The following EPS8 variants were observed in gnomAD, a reference collection of about 807,000 sequenced individuals.
EPS8 encodes epidermal growth factor receptor kinase substrate 8.
In EPS8, 42 loss-of-function variants were observed where a neutral mutation model predicts 103.8. That is an observed-to-expected ratio of 0.40 (90% CI 0.32 to 0.52). The LOEUF (loss-of-function observed/expected upper bound fraction) is 0.52. Ranked by LOEUF, EPS8 falls within the 20% of genes least tolerant of loss-of-function variation. The pLI is 0.40. For synonymous variants in EPS8, 344 were observed against 344.6 expected (o/e 1.00, Z 0.02); for missense variants, 969 against 1,005.1 (o/e 0.96, Z 0.49).
intron 8 of EPS8, among the ~76,000 whole-genome samples, chr12:15,663,941 A>ATTATAAT (rs71042266): frequency 2.7e-5 from 2 of 73,280 alleles, no homozygotes; most frequent in African/African-American, 1.0e-4. Context: ...AAAAAAAAAA[A>ATTATAAT]AAAAATAATA....
intron 1 of EPS8, among the ~76,000 whole-genome samples, chr12:15,689,994 A>G (rs1045162345): frequency 5.9e-5 from 9 of 152,176 alleles, no homozygotes; most frequent in African/African-American, 2.2e-4. Flanking sequence ...AGTAAATCAT[A>G]AAACATTACA....
rs1437509616 is a variant in EPS8 at position 15,701,800 on chromosome 12, AG to A, written c.-21-18829del. Among the ~76,000 whole-genome samples, 2 of 152,174 alleles carry A rather than the reference AG, an allele frequency of 1.3e-5. No individual in the cohort carries two copies. The highest frequency in any genetic ancestry group is 4.8e-5 in the African/African-American group (2 of 41,442). On this transcript the variant is annotated intron_variant, in intron 1 of 20. Coordinates refer to ENST00000281172, the MANE Select transcript of EPS8 (RefSeq NM_004447.6). The surrounding 1 kb of genome is among the most constrained non-coding windows in gnomAD (Gnocchi z 5.1). The stretch of plus-strand genomic sequence containing the variant: ...TGATACTGCCCTGGACACGGCCCTT[AG>A]GGGAAGAAAAATAACATAACATTTC...
At position 15,621,370 on chromosome 12, in the gene EPS8, C is replaced by T. The variant is rs1802658; in HGVS notation, c.2416G>A (p.Ala806Thr). The T allele has an allele frequency of 8.7e-6, 14 of 1,604,372 alleles. No individual in the cohort carries two copies. The South Asian group carries it at 1.5e-4, about 17-fold the overall frequency. ...IMRRRQEKIS[A>T]AASDSGVESF... ...TCCACTCCTGAATCACTAGCGGCAG[C>T]ACTGATTTTTTCCTGTCGTCTTCTC... Residue 806 changes from alanine to threonine, a missense_variant, in exon 21 of 21, where the codon GCT (alanine) becomes ACT (threonine). By Grantham distance (58) the Ala-to-Thr change is moderately conservative (BLOSUM62 0). Coordinates refer to ENST00000281172, the MANE Select transcript of EPS8 (RefSeq NM_004447.6).
intron 1 of EPS8, among the ~76,000 whole-genome samples, chr12:15,686,042 T>C (rs1946090585): frequency 2.0e-5 from 3 of 152,138 alleles, no homozygotes; most frequent in Non-Finnish European, 4.4e-5. Flanking sequence ...AGTTGGCTCC[T>C]GAACAAGAGG....
chr12:15,743,663 A>G (rs1478302216), intron 1 of EPS8, among the ~76,000 whole-genome samples: 1 of 152,226 alleles, frequency 6.6e-6, no homozygotes, highest in Non-Finnish European at 1.5e-5. Flanking sequence ...AAATGGGGAA[A>G]GGATTCCCTA....
At position 15,751,653 on chromosome 12, in the gene EPS8, A is replaced by G. The variant is rs578181428; in HGVS notation, c.-22+37508T>C. ...GGGGGCAAGATTTTTTGCCTTTACA[A>G]AGGTCACAACCTAGTGAATGAAAGA... On this transcript the variant is annotated intron_variant, in intron 1 of 20. Coordinates refer to ENST00000281172, the MANE Select transcript of EPS8 (RefSeq NM_004447.6). This position sits in a 1 kb window ranked among gnomAD's most constrained non-coding sequence, Gnocchi z 4.3. 6.6e-6 allele frequency among the ~76,000 whole-genome samples: 1 copy of G among 152,190 alleles called. No individual in the cohort carries two copies. The highest frequency in any genetic ancestry group is 1.9e-4 in the East Asian group (1 of 5,178).
chr12:15,722,099 A>T lies in EPS8; in HGVS notation c.-21-39127T>A, dbSNP rs560990534. Reference sequence around the variant, plus strand: ...ATTTCTCATTGAAGCCTTCTACAGCAGGGGTGTCCAATCTTTTGGCTTCCC... The same window carrying T: ...ATTTCTCATTGAAGCCTTCTACAGCTGGGGTGTCCAATCTTTTGGCTTCCC... On this transcript the variant is annotated intron_variant, in intron 1 of 20. Coordinates refer to ENST00000281172, the MANE Select transcript of EPS8 (RefSeq NM_004447.6). 2.0e-5 allele frequency among the ~76,000 whole-genome samples: 3 copies of T among 151,938 alleles called. No homozygotes were observed. The South Asian group carries it at 6.2e-4, about 32-fold the overall frequency.
rs2136020439 is a variant in EPS8, at chr12:15,752,689, G to A, written c.-22+36472C>T. Reference sequence around the variant, plus strand: ...CTCCTGCTCAGGAGGTAGAGGAGATGGGCCTGAGAAGTTATACCCCGACAG... The same window carrying A: ...CTCCTGCTCAGGAGGTAGAGGAGATAGGCCTGAGAAGTTATACCCCGACAG... On this transcript the variant is annotated intron_variant, in intron 1 of 20. Coordinates refer to ENST00000281172, the MANE Select transcript of EPS8 (RefSeq NM_004447.6). The surrounding 1 kb of genome is among the most constrained non-coding windows in gnomAD (Gnocchi z 4.4). 6.6e-6 allele frequency among the ~76,000 whole-genome samples: 1 copy of A among 152,090 alleles called. No homozygotes were observed. The highest frequency in any genetic ancestry group is 2.1e-4 in the South Asian group (1 of 4,806).
In EPS8 at chr12:15,785,732, A is replaced by C. The variant is rs1468756748; in HGVS notation, c.-22+3429T>G. On this transcript the variant is annotated intron_variant, in intron 1 of 20. Coordinates refer to ENST00000281172, the MANE Select transcript of EPS8 (RefSeq NM_004447.6). This position sits in a 1 kb window ranked among gnomAD's most constrained non-coding sequence, Gnocchi z 4.9. ...CCTTGGAGAAATGACTGATTCTAGG[A>C]CTGTGGCAAGATGTATACAGATGAA... 6.6e-6 allele frequency among the ~76,000 whole-genome samples: 1 copy of C among 152,048 alleles called. No individual in the cohort carries two copies. Among genetic ancestry groups the C allele is most frequent in the Non-Finnish European group, 1.5e-5 (1 of 67,940 alleles).
chr12:15,773,753 T>C lies in EPS8; in HGVS notation c.-22+15408A>G, dbSNP rs140854361. 2.6e-5 allele frequency among the ~76,000 whole-genome samples: 4 copies of C among 152,250 alleles called. No homozygotes were observed. In the East Asian group the frequency reaches 5.8e-4, roughly 22 times the overall value. The stretch of plus-strand genomic sequence containing the variant: ...TATGACATGAATCAAATGCATATCA[T>C]AGGAAGAAGAAAGAAGTTCCTATCT... On this transcript the variant is annotated intron_variant, in intron 1 of 20. Transcript: ENST00000281172.
intron 1 of EPS8, among the ~76,000 whole-genome samples, chr12:15,710,460 T>C (rs1319492811): frequency 6.6e-6 from 1 of 152,222 alleles, no homozygotes; most frequent in African/African-American, 2.4e-5. Flanking sequence ...TCACATTTCA[T>C]TCAGCTCAGA....
chr12:15,691,956 A>G (rs868549080), intron 1 of EPS8, among the ~76,000 whole-genome samples: 4 of 151,976 alleles, frequency 2.6e-5, no homozygotes, highest in Admixed American at 6.6e-5. Context: ...CCATTCTATC[A>G]TTACTCTAAC....
At chr12:15,625,211 TTA>T (rs1043877254) in intron 18 of EPS8, among the ~76,000 whole-genome samples, 1 of 152,208 alleles carries the variant, frequency 6.6e-6, no homozygotes, top group African/African-American at 2.4e-5. Context: ...TGCCTTCCTA[TTA>T]TGTTATATAA....
rs1216486058 is a variant in EPS8, at chr12:15,701,305, T to C, written c.-21-18333A>G. Among the ~76,000 whole-genome samples the C allele has an allele frequency of 6.6e-6, 1 of 152,184 alleles. No homozygotes were observed. The highest frequency in any genetic ancestry group is 1.5e-5 in the Non-Finnish European group (1 of 68,036). On this transcript the variant is annotated intron_variant, in intron 1 of 20. Coordinates refer to ENST00000281172, the MANE Select transcript of EPS8 (RefSeq NM_004447.6). The surrounding 1 kb of genome is among the most constrained non-coding windows in gnomAD (Gnocchi z 5.1). ...AGGCAGGTACTACTTTTATCTCTAG[T>C]TTACAGATGAGGAAACTGGGGCACA...
At chr12:15,665,696 A>G in intron 8 of EPS8, 60 bp downstream of exon 8, 1 of 1,584,492 alleles carries the variant, frequency 6.3e-7, no homozygotes, top group East Asian at 2.2e-5. Context: ...ATTTGAAAGC[A>G]AGAACTATGT....
rs186656930 is a variant in EPS8, at chr12:15,702,970, G to C, written c.-21-19998C>G. ...TTGAGACCATCCTGGCCAACATAGT[G>C]AAACCCCATCTCCACTAAAAATACA... is the stretch of plus-strand genomic sequence containing the variant. On this transcript the variant is annotated intron_variant, in intron 1 of 20. Transcript: ENST00000281172. This position sits in a 1 kb window ranked among gnomAD's most constrained non-coding sequence, Gnocchi z 5.1. 3.4e-4 allele frequency among the ~76,000 whole-genome samples: 51 copies of C among 152,218 alleles called. No individual in the cohort carries two copies. The highest frequency in any genetic ancestry group is 8.2e-4 in the African/African-American group (34 of 41,552).
rs569544112 is a variant in EPS8, at chr12:15,702,866, C to T, written c.-21-19894G>A. Among the ~76,000 whole-genome samples the T allele has an allele frequency of 3.9e-5, 6 of 152,218 alleles. No homozygotes were observed. The South Asian group carries it at 6.2e-4, about 16-fold the overall frequency. ...AGCAAAACCACATAATAAGTTCATT[C>T]GAGGCTGGGCGCGGTGGCTCAGGCC... On this transcript the variant is annotated intron_variant, in intron 1 of 20. Transcript: ENST00000281172. This position sits in a 1 kb window ranked among gnomAD's most constrained non-coding sequence, Gnocchi z 5.1.
Position 15,745,095 on chromosome 12 carries a change from T to C in EPS8, c.-22+44066A>G, listed in dbSNP as rs1012616520. Among the ~76,000 whole-genome samples the C allele has an allele frequency of 1.3e-5, 2 of 152,166 alleles. No individual in the cohort carries two copies. The highest frequency in any genetic ancestry group is 2.9e-5 in the Non-Finnish European group (2 of 68,030). ...ACAGGATGGTCTCGATCTCCTGACC[T>C]CGTGATCCACCCACCTCAGCCTCCC... is the stretch of plus-strand genomic sequence containing the variant. On this transcript the variant is annotated intron_variant, in intron 1 of 20. Transcript: ENST00000281172. The surrounding 1 kb of genome is among the most constrained non-coding windows in gnomAD (Gnocchi z 4.6).
At chr12:15,763,349 A>G (rs1947060739) in intron 1 of EPS8, among the ~76,000 whole-genome samples, 1 of 152,224 alleles carries the variant, frequency 6.6e-6, no homozygotes, top group Admixed American at 6.5e-5. Context: ...GGAATACAAT[A>G]TTCAACAACC....
Sources: allele counts gnomAD v4.1 joint callset (sites outside exome capture counted in the v4.1 genomes callset), GRCh38; gene constraint gnomAD v4.1.1; non-coding constraint Gnocchi (gnomAD v3.1); transcripts MANE v1.5; gene names NCBI Gene and HGNC (gene_info 2026-07-23, HGNC 2026-07-21).